TGM4: variants seen among roughly 807,000 people sequenced by gnomAD.
The protein encoded by TGM4 is protein-glutamine gamma-glutamyltransferase 4.
A neutral mutation model predicts 76.3 loss-of-function variants in TGM4; 61 were observed. The observed-to-expected ratio is 0.80, with a 90% CI of 0.65 to 0.99. The LOEUF (loss-of-function observed/expected upper bound fraction) is 0.99. Among genes scored for constraint, TGM4 ranks in the 50% least tolerant of loss-of-function variants. The probability of loss-of-function intolerance (pLI) is 0.00; values close to 1 mark genes in which losing one functional copy is unlikely to be tolerated. For missense variants in TGM4, 794 were observed against 843.2 expected (o/e 0.94, Z 0.72); for synonymous variants, 337 against 329.8 (o/e 1.02, Z -0.24).
At chr3:44,907,559 G>A (rs565710651) in intron 10 of TGM4, among the ~76,000 whole-genome samples, 35 of 152,192 alleles carry the variant, frequency 2.3e-4, no homozygotes, top group African/African-American at 6.3e-4. Flanking sequence ...AAGACTGTCC[G>A]TTCTCCCCAG....
intron 6 of TGM4, among the ~76,000 whole-genome samples, chr3:44,898,496 T>C (rs984520132): frequency 1.3e-5 from 2 of 152,074 alleles, no homozygotes; most frequent in African/African-American, 4.8e-5. Context: ...ATGCAAGTAG[T>C]TTTGATCACA....
At chr3:44,877,743 A>G (rs1013792588) in intron 1 of TGM4, among the ~76,000 whole-genome samples, 5 of 152,242 alleles carry the variant, frequency 3.3e-5, no homozygotes, top group Non-Finnish European at 5.9e-5. Flanking sequence ...TGCAGTCGCT[A>G]GAAGGCTCTC....
intron 1 of TGM4, 70 bp from the exon 2 acceptor site, chr3:44,885,255 C>G (rs1404285510): frequency 1.1e-5 from 16 of 1,477,742 alleles, no homozygotes; most frequent in Middle Eastern, 2.1e-4. Context: ...AGATTTTGAA[C>G]CCAGAAAGAG....
At chr3:44,885,839 G>A (rs936088531) in intron 2 of TGM4, among the ~76,000 whole-genome samples, 2 of 152,168 alleles carry the variant, frequency 1.3e-5, no homozygotes, top group Non-Finnish European at 2.9e-5. Context: ...CCATAGCGGG[G>A]TGGGCTGGAG....
intron 3 of TGM4, 124 bp downstream of exon 3, chr3:44,887,919 C>A: frequency 2.5e-6 from 2 of 810,278 alleles, no homozygotes; most frequent in South Asian, 1.6e-5. Context: ...ATCCACAGCA[C>A]AGCATGATAG....
chr3:44,885,387 G>T lies in TGM4; in HGVS notation c.82G>T (p.Glu28Ter), dbSNP rs1422569886. ...CAACGCCGTTTCTCACCACACATGG[G>T]AGTTCCAAACGAGCAGTCCTGTGTT... ...QDNAVSHHTW[E>*]FQTSSPVFRR... The change falls in exon 2 of 14, where the codon GAG becomes TAG. Residue 28 changes from glutamate (E) to a stop codon, truncating the protein, a stop_gained. Coordinates refer to ENST00000296125, the MANE Select transcript of TGM4 (RefSeq NM_003241.4). LOFTEE classifies it high-confidence loss of function. 1 of 1,613,990 alleles carries T rather than the reference G, an allele frequency of 6.2e-7. No homozygotes were observed. The highest frequency in any genetic ancestry group is 1.3e-5 in the African/African-American group (1 of 74,924).
chr3:44,883,584 G>A (rs1283791867), intron 1 of TGM4, among the ~76,000 whole-genome samples: 1 of 152,228 alleles, frequency 6.6e-6, no homozygotes, highest in Admixed American at 6.5e-5. Flanking sequence ...CCCACCCCAA[G>A]GTTTCAGCCC....
chr3:44,896,914 C>T (rs1699786939), intron 6 of TGM4, 98 bp downstream of exon 6: 4 of 909,046 alleles, frequency 4.4e-6, no homozygotes, highest in Non-Finnish European at 3.6e-6. Flanking sequence ...CTTTGAAGTA[C>T]ACCACTGTGC....
At chr3:44,884,990 A>G (rs1699582631) in intron 1 of TGM4, among the ~76,000 whole-genome samples, 1 of 152,146 alleles carries the variant, frequency 6.6e-6, no homozygotes, top group South Asian at 2.1e-4. Flanking sequence ...CCTAACAGCC[A>G]CTCACAGACT....
At chr3:44,892,244 C>A (rs1345884345) in intron 4 of TGM4, among the ~76,000 whole-genome samples, 1 of 150,136 alleles carries the variant, frequency 6.7e-6, no homozygotes, top group South Asian at 2.1e-4. Flanking sequence ...GGTGACAGAG[C>A]GAGACTCTGT....
chr3:44,887,229 C>T (rs528833802), intron 2 of TGM4, among the ~76,000 whole-genome samples: 19 of 152,336 alleles, frequency 1.2e-4, no homozygotes, highest in African/African-American at 4.3e-4. Context: ...ATGACATAAA[C>T]TGACCGACCT....
At position 44,874,689 on chromosome 3, in the gene TGM4, C is replaced by A. The variant is rs144258634; in HGVS notation, c.11C>A (p.Ala4Glu). 6.2e-7 allele frequency: 1 copy of A among 1,614,178 alleles called. No homozygotes were observed. The highest frequency in any genetic ancestry group is 8.5e-7 in the Non-Finnish European group (1 of 1,180,034). MMD[A>E]SKELQVLHID... ...AGAGAATCTGAAGGGATGATGGATG[C>A]ATCAAAAGGTGAGTGGGTGAAATCT... Residue 4 changes from alanine to glutamate, a missense_variant, in exon 1 of 14, where the codon GCA (alanine) becomes GAA (glutamate). Ala to Glu is a moderately radical substitution (Grantham distance 107, BLOSUM62 -1). Transcript: ENST00000296125.
At chr3:44,898,235 C>T (rs1049033305) in intron 6 of TGM4, among the ~76,000 whole-genome samples, 6 of 146,978 alleles carry the variant, frequency 4.1e-5, no homozygotes, top group East Asian at 2.0e-4. Context: ...GAGCCAAGAT[C>T]GCACCACTGT....
At chr3:44,882,140 A>G (rs1382930831) in intron 1 of TGM4, among the ~76,000 whole-genome samples, 5 of 146,506 alleles carry the variant, frequency 3.4e-5, no homozygotes, top group African/African-American at 1.3e-4. Context: ...AGCTGCAATC[A>G]TAGCTCACTG....
Position 44,907,182 on chromosome 3 carries a change from G to C in TGM4, c.1309G>C (p.Glu437Gln), listed in dbSNP as rs1395388. 96,775 of 1,613,822 alleles carry C rather than the reference G, an allele frequency of 0.06. 3,222 individuals are homozygous for C. The highest frequency in any genetic ancestry group is 0.087 in the Middle Eastern group (530 of 6,062). ...AGACAGGCGGAGAGATATCACCTAT[G>C]AGTACAAGTATCCAGAAGGTGCTAG... ...GQDRRRDITY[E>Q]YKYPEGSSEE... The change falls in exon 10 of 14, where the codon GAG (glutamate) becomes CAG (glutamine). Residue 437 changes from glutamate (E) to glutamine (Q), a missense_variant. Glu to Gln is a conservative substitution (Grantham distance 29). Coordinates refer to ENST00000296125, the MANE Select transcript of TGM4 (RefSeq NM_003241.4).
At position 44,890,680 on chromosome 3, in the gene TGM4, C is replaced by A; in HGVS notation, c.378C>A (p.Ile126=). The A allele has an allele frequency of 2.5e-6, 4 of 1,614,220 alleles. No homozygotes were observed. Among genetic ancestry groups the A allele is most frequent in the Non-Finnish European group, 3.4e-6 (4 of 1,180,028 alleles). The change falls in exon 4 of 14, where the codon ATC becomes ATA. Residue 126 remains isoleucine, a synonymous_variant. Coordinates refer to ENST00000296125, the MANE Select transcript of TGM4 (RefSeq NM_003241.4). ...YQLNVKTGNH[I]LKSEENILYL... is the part of the protein sequence containing the mutation. ...TAAACGTGAAAACTGGAAACCACAT[C>A]CTTAAGTCTGAAGAAAACATCCTAT...
chr3:44,901,593 C>G lies in TGM4; in HGVS notation c.727C>G (p.Pro243Ala). The change falls in exon 7 of 14, where the codon CCA becomes GCA. Residue 243 changes from proline to alanine, a missense_variant. Physicochemically the swap from Pro to Ala is conservative, Grantham distance 27. Coordinates refer to ENST00000296125, the MANE Select transcript of TGM4 (RefSeq NM_003241.4). Reference protein sequence around the residue: ...WTGDYEGGTAPYKWTGSAPIL... With the variant: ...WTGDYEGGTAAYKWTGSAPIL... ...TGGGGACTACGAAGGTGGCACAGCC[C>G]CATACAAGTGGACAGGCAGTGCCCC... 6.2e-7 allele frequency: 1 copy of G among 1,614,108 alleles called. No homozygotes were observed. Among genetic ancestry groups the G allele is most frequent in the Non-Finnish European group, 8.5e-7 (1 of 1,179,990 alleles).
intron 4 of TGM4, 125 bp from the exon 5 acceptor site, chr3:44,893,452 C>A: frequency 2.5e-6 from 2 of 805,826 alleles, no homozygotes; most frequent in Non-Finnish European, 4.2e-6. Flanking sequence ...CCTCCCCCAA[C>A]ATTGGGTGTT....
chr3:44,875,867 G>T (rs372221251), intron 1 of TGM4, among the ~76,000 whole-genome samples: 1 of 152,180 alleles, frequency 6.6e-6, no homozygotes, highest in Non-Finnish European at 1.5e-5. Flanking sequence ...GATGGCTGAC[G>T]CCTCAGCTAG....
Sources: allele counts gnomAD v4.1 joint callset (sites outside exome capture counted in the v4.1 genomes callset), GRCh38; gene constraint gnomAD v4.1.1; transcripts MANE v1.5; gene names NCBI Gene and HGNC (gene_info 2026-07-23, HGNC 2026-07-21).